Variants in UCK2 observed in about 807,000 individuals in gnomAD.
UCK2 encodes uridine-cytidine kinase 2, also known as cytidine monophosphokinase 2.
In UCK2, 6 loss-of-function variants were observed where a neutral mutation model predicts 30.8. The observed-to-expected ratio is 0.19, with a 90% CI of 0.11 to 0.38. The LOEUF is 0.38. UCK2 is among the 10% of genes least tolerant of loss of function. The probability of loss-of-function intolerance (pLI) is 1.00; values close to 1 mark genes in which losing one functional copy is unlikely to be tolerated. For synonymous variants in UCK2, 125 were observed against 133.6 expected (o/e 0.94, Z 0.45); for missense variants, 210 against 339.8 (o/e 0.62, Z 3.00).
intron 1 of UCK2, among the ~76,000 whole-genome samples, chr1:165,843,780 T>C (rs1654383693): frequency 6.6e-6 from 1 of 152,224 alleles, no homozygotes; most frequent in African/African-American, 2.4e-5. Context: ...TTTGCCACTT[T>C]TTATTCTTAA....
intron 4 of UCK2, among the ~76,000 whole-genome samples, chr1:165,901,583 G>A (rs1351254806): frequency 2.6e-5 from 4 of 152,244 alleles, no homozygotes; most frequent in Non-Finnish European, 5.9e-5. Context: ...TGGTTGGGAA[G>A]GAGCTGAAGA....
chr1:165,855,027 A>G (rs1271964532), intron 1 of UCK2, among the ~76,000 whole-genome samples: 3 of 152,240 alleles, frequency 2.0e-5, no homozygotes, highest in Non-Finnish European at 2.9e-5. Context: ...CATATTCTGT[A>G]AAGTAGCTCA....
intron 1 of UCK2, among the ~76,000 whole-genome samples, chr1:165,869,931 G>GT (rs1224313510): frequency 3.4e-4 from 51 of 152,084 alleles, no homozygotes; most frequent in African/African-American, 1.2e-3. Context: ...ATATTAATAG[G>GT]TTGAGCCACT....
At chr1:165,893,722 G>T (rs994903566) in intron 3 of UCK2, among the ~76,000 whole-genome samples, 4 of 152,070 alleles carry the variant, frequency 2.6e-5, no homozygotes, top group African/African-American at 9.7e-5. Context: ...GCACATTCTG[G>T]GCTAGTAGTT....
chr1:165,856,715 C>CT (rs1008328005), intron 1 of UCK2, among the ~76,000 whole-genome samples: 1 of 152,032 alleles, frequency 6.6e-6, no homozygotes, highest in African/African-American at 2.4e-5. Flanking sequence ...AATTGTTCAC[C>CT]TTCCTAAGTC....
At chr1:165,875,808 C>T (rs1403383441) in intron 1 of UCK2, among the ~76,000 whole-genome samples, 1 of 152,104 alleles carries the variant, frequency 6.6e-6, no homozygotes, top group African/African-American at 2.4e-5. Flanking sequence ...TGTGTGCCAC[C>T]CTCCAGGAAC....
intron 1 of UCK2, among the ~76,000 whole-genome samples, chr1:165,865,378 G>A (rs1655022584): frequency 1.3e-5 from 2 of 152,098 alleles, no homozygotes; most frequent in Admixed American, 1.3e-4. Context: ...GTGTTGCAGG[G>A]GTGACAGTAC....
intron 1 of UCK2, among the ~76,000 whole-genome samples, chr1:165,854,901 G>A (rs1168355752): frequency 6.6e-6 from 1 of 152,106 alleles, no homozygotes; most frequent in African/African-American, 2.4e-5. Context: ...CCTACTGTAG[G>A]AGAACATAAC....
chr1:165,872,524 G>A (rs1655222399), intron 1 of UCK2, among the ~76,000 whole-genome samples: 1 of 152,072 alleles, frequency 6.6e-6, no homozygotes, highest in Admixed American at 6.5e-5. Flanking sequence ...CATATATATG[G>A]AAATTTTAAA....
At chr1:165,835,982 ACTT>A (rs1381511465) in intron 1 of UCK2, among the ~76,000 whole-genome samples, 6 of 152,220 alleles carry the variant, frequency 3.9e-5, no homozygotes. Context: ...TAATCCTAGC[ACTT>A]TGAGAGGCCT....
In UCK2 at chr1:165,910,754, CAG is replaced by C. The variant is rs1647831926; in HGVS notation, c.*2932_*2933del. Reference sequence around the variant, plus strand: ...ACAGGCCAGGGAAGGAGGGCAGAGACAGGGTCTCCAGTTCACCTTGCCGCAGA... The same window carrying C: ...ACAGGCCAGGGAAGGAGGGCAGAGACGGTCTCCAGTTCACCTTGCCGCAGA... On this transcript the variant is annotated 3_prime_UTR_variant, in exon 7 of 7. Transcript: ENST00000367879. The C allele has an allele frequency of 6.6e-6, 1 of 152,488 alleles. No homozygotes were observed. The highest frequency in any genetic ancestry group is 1.5e-5 in the Non-Finnish European group (1 of 68,156). 9.4% of individuals were successfully genotyped at this position (152,488 alleles called of 1,614,324 possible). A position where few individuals can be genotyped will look rare whatever the true frequency, so the allele number is the denominator to read the frequency against.
At position 165,879,652 on chromosome 1, in the gene UCK2, T is replaced by A. The variant is rs984535427; in HGVS notation, c.100-10552T>A. Reference sequence around the variant, plus strand: ...TACTCCTCCTTATACAGTAACGTGGTCTATGTGGCTTTGGGAGTTCTTTTC... The same window carrying A: ...TACTCCTCCTTATACAGTAACGTGGACTATGTGGCTTTGGGAGTTCTTTTC... On this transcript the variant is annotated intron_variant, in intron 1 of 6. Transcript: ENST00000367879. Among the ~76,000 whole-genome samples the A allele has an allele frequency of 1.0e-3, 155 of 151,962 alleles. 1 individual carries two copies. Among genetic ancestry groups the A allele is most frequent in the African/African-American group, 3.5e-3 (147 of 41,472 alleles).
intron 1 of UCK2, among the ~76,000 whole-genome samples, chr1:165,877,376 G>A (rs1440189530): frequency 6.6e-6 from 1 of 152,178 alleles, no homozygotes; most frequent in Non-Finnish European, 1.5e-5. Flanking sequence ...CGTTGATACA[G>A]TGAAGATACA....
At chr1:165,907,636 T>G in intron 6 of UCK2, 48 bp from the exon 7 acceptor site, 1 of 1,603,802 alleles carries the variant, frequency 6.2e-7, no homozygotes, top group Non-Finnish European at 8.5e-7. Context: ...CACTCACCCC[T>G]GCACCCATGC....
At chr1:165,841,219 T>A (rs942960828) in intron 1 of UCK2, among the ~76,000 whole-genome samples, 1 of 152,014 alleles carries the variant, frequency 6.6e-6, no homozygotes, top group Admixed American at 6.6e-5. Context: ...GTTTTGCTCT[T>A]GTCACCCAGG....
At chr1:165,859,414 C>T (rs1051687847) in intron 1 of UCK2, among the ~76,000 whole-genome samples, 6 of 152,174 alleles carry the variant, frequency 3.9e-5, no homozygotes, top group African/African-American at 1.4e-4. Flanking sequence ...AACCCCTTAA[C>T]TGAACTTTTC....
intron 3 of UCK2, among the ~76,000 whole-genome samples, chr1:165,893,613 T>A (rs889713520): frequency 6.6e-6 from 1 of 152,254 alleles, no homozygotes; most frequent in Non-Finnish European, 1.5e-5. Context: ...ATGGTTAGAC[T>A]GGGTTATCTC....
At chr1:165,866,982 T>G (rs1209635721) in intron 1 of UCK2, among the ~76,000 whole-genome samples, 1 of 152,202 alleles carries the variant, frequency 6.6e-6, no homozygotes, top group South Asian at 2.1e-4. Flanking sequence ...TCGGAGATAT[T>G]GTGGTTTCAG....
intron 1 of UCK2, among the ~76,000 whole-genome samples, chr1:165,880,165 ATTGTGCTCTC>A (rs1334816785): frequency 6.6e-6 from 1 of 152,242 alleles, no homozygotes; most frequent in African/African-American, 2.4e-5. Flanking sequence ...CAACTGGCAC[ATTGTGCTCTC>A]TTGATCTATT....
Sources: gnomAD v4.1 joint callset for allele counts (sites outside exome capture counted in the v4.1 genomes callset) on GRCh38, gnomAD v4.1.1 for gene constraint, MANE v1.5 for transcripts, NCBI Gene and HGNC (gene_info 2026-07-23, HGNC 2026-07-21) for gene names.